Variants in SYNE1 observed in about 807,000 individuals in gnomAD.
SYNE1 encodes the protein spectrin repeat containing nuclear envelope protein 1.
Under a neutral mutation model 1,111.0 loss-of-function variants are expected in SYNE1, and 616 were observed. The ratio of observed to expected loss-of-function variants is 0.55; its 90% CI spans 0.52 to 0.59. The LOEUF is 0.59. Among genes scored for constraint, SYNE1 ranks in the 20% least tolerant of loss-of-function variants. The pLI is 0.00. For missense variants in SYNE1, 10,006 were observed against 10,417.0 expected (o/e 0.96, Z 1.72); for synonymous variants, 3,855 against 3,825.8 (o/e 1.01, Z -0.28).
At chr6:152,557,294 A>G (rs1467871179) in intron 3 of SYNE1, among the ~76,000 whole-genome samples, 2 of 152,176 alleles carry the variant, frequency 1.3e-5, no homozygotes, top group Non-Finnish European at 2.9e-5. Context: ...TGAAAAGGGG[A>G]GAAGAAAGCC....
chr6:152,233,390 C>T (rs1030824436), intron 112 of SYNE1, among the ~76,000 whole-genome samples: 3 of 151,796 alleles, frequency 2.0e-5, no homozygotes, highest in African/African-American at 4.8e-5. Context: ...TGCAGTGGCG[C>T]GATCTCGGCT....
At chr6:152,401,073 T>C in intron 47 of SYNE1, 65 bp downstream of exon 47, 3 of 1,515,364 alleles carry the variant, frequency 2.0e-6, no homozygotes, top group South Asian at 2.3e-5. Flanking sequence ...TTTATTATAG[T>C]CACCACAAAA....
At chr6:152,605,397 CT>C (rs10713841) in intron 3 of SYNE1, among the ~76,000 whole-genome samples, 29,564 of 152,072 alleles carry the variant, frequency 0.19, 3,124 homozygotes, top group African/African-American at 0.27. Flanking sequence ...ACAAAAGCTA[CT>C]TGGTACTTCA....
rs1231844713 is a variant in SYNE1, at chr6:152,350,482, G to A, written c.11733+136C>T. 7 of 1,457,376 alleles carry A rather than the reference G, an allele frequency of 4.8e-6. No homozygotes were observed. In the Admixed American group the frequency reaches 1.1e-4, roughly 22 times the overall value. The allele number at this position is 1,457,376 out of a possible 1,614,324, so 90.3% of individuals were successfully genotyped here. On this transcript the variant is annotated intron_variant, in intron 71 of 145. Transcript: ENST00000367255. ...GAATGGAAAACAACATAGTCATTATGCCAATTAAATATCCATCTGAATAAA... is the reference window on the plus strand; with the variant it reads ...GAATGGAAAACAACATAGTCATTATACCAATTAAATATCCATCTGAATAAA...
chr6:152,425,547 C>A lies in SYNE1; in HGVS notation c.5101G>T (p.Ala1701Ser), dbSNP rs149758808. ...KVEGELQLIQ[A>S]LQNEVVSQAS... ...TGGGATACAACTTCATTTTGCAGTG[C>A]CTGAAAAATACAAGACATTACGGAT... Residue 1701 changes from alanine to serine, a missense_variant and splice_region_variant, in exon 39 of 146, where the codon GCA (alanine) becomes TCA (serine). Physicochemically the swap from Ala to Ser is moderately conservative, Grantham distance 99 (BLOSUM62 1). Coordinates refer to ENST00000367255, the MANE Select transcript of SYNE1 (RefSeq NM_182961.4). 3.6e-3 allele frequency: 5,859 copies of A among 1,614,086 alleles called. 8 individuals are homozygous for A. The highest frequency in any genetic ancestry group is 4.4e-3 in the Non-Finnish European group (5,191 of 1,179,996).
intron 97 of SYNE1, among the ~76,000 whole-genome samples, chr6:152,280,140 T>C (rs769132049): frequency 1.3e-5 from 2 of 152,220 alleles, no homozygotes; most frequent in African/African-American, 2.4e-5. Context: ...TCCAATTCTG[T>C]GTAATAGTCA....
In SYNE1 at chr6:152,441,238, T is replaced by G; in HGVS notation, c.4041A>C (p.Thr1347=). ...VTLRKWERFE[T]NKETVVRYLF... ...GGTATCTTACTACTGTTTCTTTGTT[T>G]GTTTCAAATCGCTCCCATTTTCTTA... Residue 1347 remains threonine, a synonymous_variant, in exon 32 of 146, where the codon ACA becomes ACC. Transcript: ENST00000367255. 2 of 1,611,030 alleles carry G rather than the reference T, an allele frequency of 1.2e-6. No homozygotes were observed. Among genetic ancestry groups the G allele is most frequent in the Non-Finnish European group, 1.7e-6 (2 of 1,178,030 alleles).
chr6:152,499,361 T>C (rs2099016317), intron 10 of SYNE1, among the ~76,000 whole-genome samples: 3 of 152,174 alleles, frequency 2.0e-5, no homozygotes, highest in South Asian at 2.1e-4. Flanking sequence ...TTTTATTGGA[T>C]GAGATTAAAA....
chr6:152,344,302 A>G (rs1008738130), intron 73 of SYNE1, 75 bp from the exon 74 acceptor site: 3 of 1,594,728 alleles, frequency 1.9e-6, no homozygotes, highest in African/African-American at 2.7e-5. Flanking sequence ...ATTCAATGAA[A>G]CATGACCAGT....
chr6:152,323,862 G>T (rs1181279732), intron 81 of SYNE1, 125 bp from the exon 82 acceptor site: 1 of 1,156,750 alleles, frequency 8.6e-7, no homozygotes, highest in Non-Finnish European at 1.2e-6. Context: ...AATTCCACAT[G>T]TTAGGAAACT....
rs540216703 is a variant in SYNE1 at position 152,312,086 on chromosome 6, C to T, written c.16711-1213G>A. 1.6e-3 allele frequency among the ~76,000 whole-genome samples: 241 copies of T among 151,802 alleles called. 1 individual carries two copies. The highest frequency in any genetic ancestry group is 5.1e-3 in the African/African-American group (213 of 41,402). ...GGCGTGAGCCACTGCGCACAGCCGG[C>T]GATAGACTTTTTTTAATGAAGTACT... On this transcript the variant is annotated intron_variant, in intron 87 of 145. Transcript: ENST00000367255.
chr6:152,164,111 G>A, intron 131 of SYNE1, 52 bp downstream of exon 131: 1 of 1,608,820 alleles, frequency 6.2e-7, no homozygotes, highest in Non-Finnish European at 8.5e-7. Flanking sequence ...ATCCTGGCCA[G>A]GAGGACAGAT....
rs778877497 is a variant in SYNE1 at position 152,465,258 on chromosome 6, C to T, written c.1932G>A (p.Lys644=). 5 of 1,613,280 alleles carry T rather than the reference C, an allele frequency of 3.1e-6. No individual in the cohort carries two copies. The highest frequency in any genetic ancestry group is 2.2e-5 in the East Asian group (1 of 44,876). Residue 644 remains lysine (K), a splice_region_variant and synonymous_variant, in exon 18 of 146, where the codon AAG becomes AAA. Transcript: ENST00000367255. ...TTCTTTTTGCATGAACCAATCTTAC[C>T]TTTTTGGCATTTTCTGATTGATTGA... is the stretch of plus-strand genomic sequence containing the variant. ...KMLNQSENAK[K]DFFRNLPHWI...
intron 126 of SYNE1, among the ~76,000 whole-genome samples, chr6:152,202,248 G>C (rs2075616478): frequency 6.7e-6 from 1 of 148,368 alleles, no homozygotes; most frequent in African/African-American, 2.5e-5. Flanking sequence ...TCAGAAGGCT[G>C]AGGCAGGAGA....
chr6:152,182,403 G>A (rs2068361147), intron 128 of SYNE1, among the ~76,000 whole-genome samples: 1 of 152,072 alleles, frequency 6.6e-6, no homozygotes, highest in Admixed American at 6.5e-5. Context: ...TATCCCTATT[G>A]ATTTTATTTT....
Position 152,164,237 on chromosome 6 carries a change from A to C in SYNE1, c.23716T>G (p.Ser7906Ala), listed in dbSNP as rs2063146847. The change falls in exon 131 of 146, where the codon TCA becomes GCA. Residue 7906 changes from serine (S) to alanine (A), a missense_variant. Ser to Ala is a moderately conservative substitution (Grantham distance 99). Around this residue, in one of 7 missense-constraint regions of SYNE1, gnomAD observed 2,182 missense variants for 2,287.8 expected, o/e 0.95. Coordinates refer to ENST00000367255, the MANE Select transcript of SYNE1 (RefSeq NM_182961.4). ...TAGACTATTGGCTTGGCCAGCTCTG[A>C]CTCGATGTGAGCGAGCCAGGTCCTC... ...SLRTWLAHIE[S>A]ELAKPIVYDS... 1.2e-6 allele frequency: 2 copies of C among 1,613,908 alleles called. No homozygotes were observed. Among genetic ancestry groups the C allele is most frequent in the South Asian group, 1.1e-5 (1 of 91,064 alleles).
At chr6:152,525,062 C>T (rs1271809595) in intron 5 of SYNE1, among the ~76,000 whole-genome samples, 1 of 152,168 alleles carries the variant, frequency 6.6e-6, no homozygotes, top group African/African-American at 2.4e-5. Context: ...ATGTCTACCA[C>T]TGATGTAGCT....
At chr6:152,611,323 A>T (rs1583407459) in intron 3 of SYNE1, among the ~76,000 whole-genome samples, 1 of 12,420 alleles carries the variant, frequency 8.1e-5, no homozygotes, top group South Asian at 1.8e-3. Context: ...AATGGAAAGC[A>T]AAAAAAAAGC....
In SYNE1 at chr6:152,489,806, CACTA is replaced by C. The variant is rs541420982; in HGVS notation, c.940-1307_940-1304del. Among the ~76,000 whole-genome samples, 78 of 152,262 alleles carry C rather than the reference CACTA, an allele frequency of 5.1e-4. No homozygotes were observed. In the South Asian group the frequency reaches 0.016, roughly 31 times the overall value. ...GCCAGTGGTTCTCTCACTTAGTACA[CACTA>C]GAAATCATCTGAGGGGCTTATAAAA... On this transcript the variant is annotated intron_variant, in intron 11 of 145. Transcript: ENST00000367255.
Sources: allele counts gnomAD v4.1 joint callset (sites outside exome capture counted in the v4.1 genomes callset), GRCh38; gene constraint gnomAD v4.1.1; regional missense constraint gnomAD v4.1.1; transcripts MANE v1.5; gene names NCBI Gene and HGNC (gene_info 2026-07-23, HGNC 2026-07-21).